The following KITLG variants were observed in gnomAD, a reference collection of about 807,000 sequenced individuals.
KITLG encodes the protein c-Kit ligand.
In KITLG, 13 loss-of-function variants were observed where a neutral mutation model predicts 34.1. The ratio of observed to expected loss-of-function variants is 0.38; its 90% CI spans 0.25 to 0.61. The LOEUF is 0.61. Among genes scored for constraint, KITLG ranks in the 20% least tolerant of loss-of-function variants. KITLG has a pLI of 0.60. For missense variants in KITLG, 292 were observed against 318.9 expected, an observed-to-expected ratio of 0.92 and a Z score of 0.64; for synonymous variants, 110 against 104.0, an observed-to-expected ratio of 1.06 and a Z score of -0.35.
In KITLG at chr12:88,505,244, C is replaced by T. The variant is rs1314375366; in HGVS notation, c.783-9G>A. ...CTTTCTCTTGCAACATACTGAAAAA[C>T]AATAAGAAAAAATGCTTATTTGCTC... On this transcript the variant is annotated splice_polypyrimidine_tract_variant and intron_variant, in intron 8 of 9. Transcript: ENST00000644744. 5.0e-6 allele frequency: 8 copies of T among 1,606,512 alleles called. No individual in the cohort carries two copies. Among genetic ancestry groups the T allele is most frequent in the Non-Finnish European group, 6.0e-6 (7 of 1,173,598 alleles).
chr12:88,545,949 C>G (rs890197682), intron 1 of KITLG, 84 bp from the exon 2 acceptor site: 4 of 801,270 alleles, frequency 5.0e-6, no homozygotes, highest in Non-Finnish European at 8.9e-6. Flanking sequence ...TGCCTTGATG[C>G]ACAAAAAGAC....
intron 1 of KITLG, 92 bp from the exon 2 acceptor site, chr12:88,545,957 G>T (rs781568486): frequency 2.5e-6 from 2 of 787,504 alleles, no homozygotes; most frequent in Non-Finnish European, 4.5e-6. Context: ...TGCACAAAAA[G>T]ACCAGTCTAA....
intron 2 of KITLG, among the ~76,000 whole-genome samples, chr12:88,535,640 C>G (rs1220407991): frequency 6.6e-6 from 1 of 152,108 alleles, no homozygotes; most frequent in African/African-American, 2.4e-5. Flanking sequence ...CTTAGAAAGT[C>G]AAGTTGTAGA....
chr12:88,574,062 C>T (rs1871744102), intron 1 of KITLG, among the ~76,000 whole-genome samples: 1 of 101,774 alleles, frequency 9.8e-6, no homozygotes, highest in Non-Finnish European at 2.4e-5. Context: ...ATAGCCATTG[C>T]TACTTTTTTT....
chr12:88,557,828 A>G (rs911118119), intron 1 of KITLG, among the ~76,000 whole-genome samples: 6 of 152,164 alleles, frequency 3.9e-5, no homozygotes, highest in Non-Finnish European at 8.8e-5. Context: ...TCTTATGCCA[A>G]CTAGCTGCTC....
At chr12:88,508,118 C>T (rs191768005) in intron 6 of KITLG, among the ~76,000 whole-genome samples, 49 of 151,278 alleles carry the variant, frequency 3.2e-4, no homozygotes, top group African/African-American at 9.0e-4. Context: ...ACCCGGGAGG[C>T]GGAAGTCGTA....
At chr12:88,509,267 C>G (rs1169126676) in intron 6 of KITLG, among the ~76,000 whole-genome samples, 1 of 152,182 alleles carries the variant, frequency 6.6e-6, no homozygotes, top group Non-Finnish European at 1.5e-5. Context: ...ACACCATGTT[C>G]TTCTTGTTCT....
chr12:88,523,357 A>G (rs2120857718), intron 3 of KITLG, among the ~76,000 whole-genome samples: 1 of 152,350 alleles, frequency 6.6e-6, no homozygotes, highest in Non-Finnish European at 1.5e-5. Context: ...GCGAGAAACC[A>G]GGACTCTCGA....
intron 1 of KITLG, among the ~76,000 whole-genome samples, chr12:88,553,645 C>T (rs1313024274): frequency 1.3e-5 from 2 of 152,100 alleles, no homozygotes; most frequent in African/African-American, 2.4e-5. Flanking sequence ...AAAGTGTCCC[C>T]CGTTTATTCC....
intron 3 of KITLG, among the ~76,000 whole-genome samples, chr12:88,521,081 A>AT (rs1224916039): frequency 2.0e-5 from 3 of 152,132 alleles, no homozygotes; most frequent in Non-Finnish European, 4.4e-5. Flanking sequence ...TGTTTCACTC[A>AT]TTTTTTATTT....
At chr12:88,566,297 A>T (rs1235370215) in intron 1 of KITLG, among the ~76,000 whole-genome samples, 2 of 152,246 alleles carry the variant, frequency 1.3e-5, no homozygotes, top group Non-Finnish European at 2.9e-5. Context: ...TGTCCCTCAA[A>T]GAGACATTTG....
Position 88,493,884 on chromosome 12 carries a change from A to G in KITLG, c.*3335T>C, listed in dbSNP as rs2120766111. ...CCATCTCTTGTGTAAATGGTGATCC[A>G]ATTCACCCTACTTAAGACTGAATTT... On this transcript the variant is annotated 3_prime_UTR_variant, in exon 10 of 10. Coordinates refer to ENST00000644744, the MANE Select transcript of KITLG (RefSeq NM_000899.5). 1 of 152,056 alleles carries G rather than the reference A, an allele frequency of 6.6e-6. No homozygotes were observed. The highest frequency in any genetic ancestry group is 2.1e-4 in the South Asian group (1 of 4,828). The allele number at this position is 152,056 out of a possible 1,614,324, so 9.4% of individuals were successfully genotyped here.
intron 9 of KITLG, among the ~76,000 whole-genome samples, chr12:88,503,474 A>T (rs1868940872): frequency 6.6e-6 from 1 of 152,164 alleles, no homozygotes; most frequent in South Asian, 2.1e-4. Flanking sequence ...AGAAATGAGG[A>T]ATTTGAAAGA....
intron 1 of KITLG, among the ~76,000 whole-genome samples, chr12:88,562,551 T>C (rs1871330753): frequency 1.3e-5 from 2 of 152,204 alleles, no homozygotes; most frequent in Non-Finnish European, 2.9e-5. Context: ...GAGTGAAGGA[T>C]AAACAGGAGG....
intron 9 of KITLG, among the ~76,000 whole-genome samples, chr12:88,500,716 A>C (rs1417589174): frequency 1.3e-5 from 2 of 152,244 alleles, no homozygotes; most frequent in African/African-American, 2.4e-5. Context: ...GTGACCAAGT[A>C]AATTTTTAAC....
At chr12:88,506,997 T>C (rs778674988) in intron 7 of KITLG, 31 bp downstream of exon 7, 56 of 1,142,030 alleles carry the variant, frequency 4.9e-5, no homozygotes, top group Non-Finnish European at 7.1e-5. Flanking sequence ...AAACATAGCA[T>C]ATTTTTAAAA....
rs2120808596 is a variant in KITLG, at chr12:88,507,032, C to A, written c.710G>T (p.Trp237Leu). Reference sequence around the variant, plus strand: ...AAAAGGAATGGTACCACTTACCTTCCAGTATAAGGCTCCAAAAGCAAAGCC... The same window carrying A: ...AAAAGGAATGGTACCACTTACCTTCAAGTATAAGGCTCCAAAAGCAAAGCC... ...IIGFAFGALY[W>L]KKRQPSLTRA... The change falls in exon 7 of 10, where the codon TGG becomes TTG. Residue 237 changes from tryptophan to leucine, a missense_variant. This residue lies in a region of KITLG where 140 missense variants were observed against 111.0 expected (regional missense o/e 1.26). Coordinates refer to ENST00000644744, the MANE Select transcript of KITLG (RefSeq NM_000899.5). The A allele has an allele frequency of 1.3e-6, 2 of 1,536,954 alleles. No homozygotes were observed. The highest frequency in any genetic ancestry group is 1.8e-6 in the Non-Finnish European group (2 of 1,109,574).
At chr12:88,541,317 T>C (rs947755878) in intron 2 of KITLG, among the ~76,000 whole-genome samples, 12 of 152,198 alleles carry the variant, frequency 7.9e-5, no homozygotes, top group Non-Finnish European at 1.5e-4. Context: ...GACAGAGTAA[T>C]TTCACCTTTA....
Position 88,512,001 on chromosome 12 carries a change from A to C in KITLG, c.604+3533T>G, listed in dbSNP as rs564758872. Reference sequence around the variant, plus strand: ...GCATAGAATTCATAATATCCAGCATATATTAAACAATCACTAACCATTTAA... The same window carrying C: ...GCATAGAATTCATAATATCCAGCATCTATTAAACAATCACTAACCATTTAA... On this transcript the variant is annotated intron_variant, in intron 6 of 9. Transcript: ENST00000644744. Among the ~76,000 whole-genome samples, 6 of 152,316 alleles carry C rather than the reference A, an allele frequency of 3.9e-5. No homozygotes were observed. The South Asian group carries it at 1.2e-3, about 32-fold the overall frequency.
Sources: gnomAD v4.1 joint callset for allele counts (sites outside exome capture counted in the v4.1 genomes callset) on GRCh38, gnomAD v4.1.1 for gene constraint, gnomAD v4.1.1 regional missense constraint, MANE v1.5 for transcripts, NCBI Gene and HGNC (gene_info 2026-07-23, HGNC 2026-07-21) for gene names.